The following CFH variants were observed in gnomAD, a reference collection of about 807,000 sequenced individuals.
CFH encodes the protein H factor 1 (complement).
CFH carries 53 observed loss-of-function variants against 147.3 expected under a neutral mutation model. The ratio of observed to expected loss-of-function variants is 0.36; its 90% confidence interval spans 0.29 to 0.45. The LOEUF is 0.45. Among genes scored for constraint, CFH ranks in the 20% least tolerant of loss-of-function variants. The pLI is 1.00. For missense variants in CFH, 1,380 were observed against 1,498.0 expected (o/e 0.92, Z 1.30); for synonymous variants, 536 against 489.4 (o/e 1.10, Z -1.26).
chr1:196,743,636 A>C lies in CFH; in HGVS notation c.3310+8A>C, dbSNP rs754072335. On this transcript the variant is annotated splice_region_variant and intron_variant, in intron 20 of 21. Coordinates refer to ENST00000367429, the MANE Select transcript of CFH (RefSeq NM_000186.4). Reference sequence around the variant, plus strand: ...AACCACCTCAATGCAAAGGTAGAGTATTATATTTCTTTTAACATTTTGGGG... The same window carrying C: ...AACCACCTCAATGCAAAGGTAGAGTCTTATATTTCTTTTAACATTTTGGGG... The C allele has an allele frequency of 1.2e-6, 2 of 1,613,892 alleles. No homozygotes were observed. Among genetic ancestry groups the C allele is most frequent in the Non-Finnish European group, 1.7e-6 (2 of 1,179,802 alleles).
intron 9 of CFH, among the ~76,000 whole-genome samples, chr1:196,704,341 C>T (rs1668535280): frequency 6.6e-6 from 1 of 152,120 alleles, no homozygotes; most frequent in Non-Finnish European, 1.5e-5. Context: ...GTAATCTGCC[C>T]TCCTTGGCCT....
At chr1:196,704,288 T>A (rs1042314907) in intron 9 of CFH, among the ~76,000 whole-genome samples, 1 of 151,964 alleles carries the variant, frequency 6.6e-6, no homozygotes, top group Non-Finnish European at 1.5e-5. Context: ...AGAGACAGGG[T>A]TTCACCATGT....
chr1:196,673,642 T>C (rs1465532127), intron 2 of CFH, among the ~76,000 whole-genome samples: 1 of 152,070 alleles, frequency 6.6e-6, no homozygotes, highest in East Asian at 1.9e-4. Context: ...AGCCAATACA[T>C]CATCATTTTC....
chr1:196,699,211 C>T (rs1359435035), intron 9 of CFH, among the ~76,000 whole-genome samples: 1 of 141,930 alleles, frequency 7.0e-6, no homozygotes, highest in Non-Finnish European at 1.5e-5. Context: ...CGCAACCTTG[C>T]CAGCCTTTGA....
chr1:196,676,251 G>A lies in CFH; in HGVS notation c.427+186G>A, dbSNP rs544566418. Reference sequence around the variant, plus strand: ...TCTTGGTGTTTCAAAAGCCAAAAACGAATGCAGCCTGATCTGATATAATAA... The same window carrying A: ...TCTTGGTGTTTCAAAAGCCAAAAACAAATGCAGCCTGATCTGATATAATAA... On this transcript the variant is annotated intron_variant, in intron 4 of 21. Coordinates refer to ENST00000367429, the MANE Select transcript of CFH (RefSeq NM_000186.4). Among the ~76,000 whole-genome samples, 5 of 151,888 alleles carry A rather than the reference G, an allele frequency of 3.3e-5. No individual in the cohort carries two copies. In the South Asian group the frequency reaches 1.0e-3, roughly 32 times the overall value.
At chr1:196,672,866 A>G in intron 1 of CFH, 112 bp from the exon 2 acceptor site, 1 of 783,822 alleles carries the variant, frequency 1.3e-6, no homozygotes, top group Non-Finnish European at 2.1e-6. Context: ...GAGAGAGAGA[A>G]ATTTAGATAG....
chr1:196,667,030 T>G (rs1667120268), intron 1 of CFH, among the ~76,000 whole-genome samples: 1 of 152,186 alleles, frequency 6.6e-6, no homozygotes, highest in Non-Finnish European at 1.5e-5. Flanking sequence ...TGCTTATATC[T>G]TGTATATCCT....
In CFH at chr1:196,697,928, C is replaced by G. The variant is rs995337603; in HGVS notation, c.1336+7689C>G. Among the ~76,000 whole-genome samples the G allele has an allele frequency of 6.5e-4, 96 of 147,162 alleles. 1 individual carries two copies. Among genetic ancestry groups the G allele is most frequent in the Admixed American group, 4.6e-3 (65 of 14,094 alleles). On this transcript the variant is annotated intron_variant, in intron 9 of 21. Transcript: ENST00000367429. ...GACAAAAAACCAAGCATCGCATGCT[C>G]TCACTCATAGGTGGGAATTGAACAA...
intron 11 of CFH, among the ~76,000 whole-genome samples, chr1:196,724,292 G>T (rs1203119247): frequency 6.6e-6 from 1 of 151,960 alleles, no homozygotes; most frequent in Non-Finnish European, 1.5e-5. Flanking sequence ...ACAGAGGGCT[G>T]AGGTTCCTGG....
At chr1:196,744,705 T>C (rs1196429730) in intron 20 of CFH, among the ~76,000 whole-genome samples, 1 of 152,196 alleles carries the variant, frequency 6.6e-6, no homozygotes, top group Admixed American at 6.5e-5. Flanking sequence ...TTGCTTCAAA[T>C]ATCGAACATA....
chr1:196,724,156 G>C (rs1669070620), intron 11 of CFH, among the ~76,000 whole-genome samples: 1 of 151,946 alleles, frequency 6.6e-6, no homozygotes, highest in Non-Finnish European at 1.5e-5. Context: ...CTTTCCATTA[G>C]GAATAGCCTC....
chr1:196,713,837 G>A lies in CFH; in HGVS notation c.1439G>A (p.Gly480Glu), dbSNP rs752575636. The A allele has an allele frequency of 6.2e-7, 1 of 1,612,604 alleles. No homozygotes were observed. Among genetic ancestry groups the A allele is most frequent in the Admixed American group, 1.7e-5 (1 of 59,854 alleles). Residue 480 changes from glycine to glutamate, a missense_variant, in exon 10 of 22, where the codon GGA becomes GAA. Physicochemically the swap from Gly to Glu is moderately conservative, Grantham distance 98 (BLOSUM62 -2). Coordinates refer to ENST00000367429, the MANE Select transcript of CFH (RefSeq NM_000186.4). ...AAAGCGAAATATCAATGCAAACTAG[G>A]ATATGTAACAGCAGATGGTGAAACA... ...KEKAKYQCKL[G>E]YVTADGETSG...
intron 1 of CFH, among the ~76,000 whole-genome samples, chr1:196,657,081 A>G (rs915435346): frequency 1.3e-5 from 2 of 151,906 alleles, no homozygotes; most frequent in African/African-American, 4.8e-5. Flanking sequence ...AGCTTCCAAC[A>G]CCTGGGCTCA....
At chr1:196,745,763 T>G (rs1652982797) in intron 20 of CFH, 54 bp from the exon 21 acceptor site, 1 of 1,613,070 alleles carries the variant, frequency 6.2e-7, no homozygotes, top group East Asian at 2.2e-5. Context: ...TTATTTGAAC[T>G]TGTATTTTGA....
chr1:196,677,991 T>C (rs573977299), intron 5 of CFH: 56 of 352,388 alleles, frequency 1.6e-4, no homozygotes, highest in South Asian at 7.3e-4. Context: ...CCAGAGTCCA[T>C]GCTTTAACCA....
At chr1:196,743,251 A>T (rs998814133) in intron 19 of CFH, among the ~76,000 whole-genome samples, 4 of 152,230 alleles carry the variant, frequency 2.6e-5, no homozygotes, top group African/African-American at 9.6e-5. Flanking sequence ...GAAATTTAAA[A>T]CATCAACGCT....
chr1:196,679,927 G>A (rs986137628), intron 6 of CFH, 134 bp downstream of exon 6: 5 of 833,414 alleles, frequency 6.0e-6, no homozygotes, highest in East Asian at 5.6e-5. Flanking sequence ...AAAACATATA[G>A]CATTTTCTGT....
At chr1:196,671,821 T>A (rs920867513) in intron 1 of CFH, among the ~76,000 whole-genome samples, 4 of 149,580 alleles carry the variant, frequency 2.7e-5, no homozygotes, top group African/African-American at 9.8e-5. Flanking sequence ...TTGACTCTGT[T>A]CTTATATATA....
chr1:196,704,565 G>A (rs1668541381), intron 9 of CFH, among the ~76,000 whole-genome samples: 1 of 152,190 alleles, frequency 6.6e-6, no homozygotes, highest in Non-Finnish European at 1.5e-5. Flanking sequence ...ACTCCAAAAG[G>A]TTAGTCCGGA....
Sources: allele counts gnomAD v4.1 joint callset (sites outside exome capture counted in the v4.1 genomes callset), GRCh38; gene constraint gnomAD v4.1.1; transcripts MANE v1.5; gene names NCBI Gene and HGNC (gene_info 2026-07-23, HGNC 2026-07-21).